KPNA7: variants seen among roughly 807,000 people sequenced by gnomAD.
KPNA7 encodes the protein importin subunit alpha-8.
Under a neutral mutation model 53.7 loss-of-function variants are expected in KPNA7, and 54 were observed. The ratio of observed to expected loss-of-function variants is 1.01; its 90% CI spans 0.81 to 1.26. KPNA7 has a LOEUF of 1.26. Ranked by LOEUF, KPNA7 falls within the 50% of genes most tolerant of loss-of-function variation. The pLI, the probability that KPNA7 is intolerant of heterozygous loss-of-function variation, is 0.00. For missense variants in KPNA7, 640 were observed against 644.5 expected, an observed-to-expected ratio of 0.99 and a Z score of 0.07; for synonymous variants, 276 against 259.3, an observed-to-expected ratio of 1.06 and a Z score of -0.62.
intron 4 of KPNA7, 124 bp downstream of exon 4, chr7:99,195,960 T>C (rs1188729431): frequency 3.3e-5 from 24 of 737,208 alleles, no homozygotes; most frequent in Non-Finnish European, 5.3e-5. Flanking sequence ...GGGCTAGCCT[T>C]TTCCTGTGTT....
At position 99,195,244 on chromosome 7, in the gene KPNA7, A is replaced by G. The variant is rs1790166006; in HGVS notation, c.379T>C (p.Tyr127His). 1.3e-6 allele frequency: 2 copies of G among 1,551,572 alleles called. No individual in the cohort carries two copies. Among genetic ancestry groups the G allele is most frequent in the Admixed American group, 3.9e-5 (2 of 50,964 alleles). Reference sequence around the variant, plus strand: ...GCAGCCTCAAACTGCAAGCAGGGGTAAAGTGATGACTTCAGGAACTCCACC... The same window carrying G: ...GCAGCCTCAAACTGCAAGCAGGGGTGAAGTGATGACTTCAGGAACTCCACC... ...RMVEFLKSSL[Y>H]PCLQFEAAWA... is the part of the protein sequence containing the mutation. Residue 127 changes from tyrosine to histidine, a missense_variant, in exon 5 of 11, where the codon TAC becomes CAC. By Grantham distance (83) the Tyr-to-His change is moderately conservative (BLOSUM62 2). Transcript: ENST00000327442.
the KPNA7 span, among the ~76,000 whole-genome samples, chr7:99,148,893 C>T: frequency 2.4e-4 from 29 of 121,718 alleles, no homozygotes; most frequent in Non-Finnish European, 4.5e-4. Flanking sequence ...AGCCCAAGAA[C>T]CGTTTTTTTT....
the KPNA7 span, among the ~76,000 whole-genome samples, chr7:99,157,122 T>C: frequency 2.0e-5 from 3 of 152,192 alleles, no homozygotes; most frequent in Non-Finnish European, 2.9e-5. Flanking sequence ...GTTGAGAATA[T>C]AAATTAGAGG....
chr7:99,205,328 C>T (rs1180076769), intron 2 of KPNA7, among the ~76,000 whole-genome samples: 1 of 143,104 alleles, frequency 7.0e-6, no homozygotes, highest in African/African-American at 2.6e-5. Flanking sequence ...AGGAGAATTG[C>T]TTGAACCCAG....
chr7:99,164,301 T>A, the KPNA7 span, among the ~76,000 whole-genome samples: 1 of 151,860 alleles, frequency 6.6e-6, no homozygotes, highest in South Asian at 2.1e-4. Flanking sequence ...TGGAATACTA[T>A]GCAGCCATAA....
chr7:99,206,310 G>A (rs866855771), intron 2 of KPNA7, among the ~76,000 whole-genome samples: 7 of 151,776 alleles, frequency 4.6e-5, no homozygotes, highest in South Asian at 4.2e-4. Flanking sequence ...ACAGGCCCCC[G>A]CCACCATGCA....
At chr7:99,158,622 C>T in the KPNA7 span, among the ~76,000 whole-genome samples, 10 of 151,900 alleles carry the variant, frequency 6.6e-5, no homozygotes, top group African/African-American at 2.2e-4. Flanking sequence ...TCATGCCTCA[C>T]CCTCCTGAGT....
intron 1 of KPNA7, among the ~76,000 whole-genome samples, chr7:99,216,469 G>A (rs1020206673): frequency 3.9e-5 from 6 of 152,166 alleles, no homozygotes; most frequent in African/African-American, 1.4e-4. Context: ...CCTATACACT[G>A]TAAGACCCCT....
At chr7:99,158,297 C>T in the KPNA7 span, among the ~76,000 whole-genome samples, 3 of 152,152 alleles carry the variant, frequency 2.0e-5, 1 homozygote, top group South Asian at 6.2e-4. Flanking sequence ...GATCAGTTTT[C>T]TTCTGTTTGG....
chr7:99,185,950 G>C (rs1057323401), intron 7 of KPNA7, among the ~76,000 whole-genome samples: 18 of 152,024 alleles, frequency 1.2e-4, no homozygotes, highest in Admixed American at 8.5e-4. Flanking sequence ...GCACCACCAT[G>C]CCTGGCTAAT....
At chr7:99,210,761 A>AT (rs1273940317), upstream of KPNA7, among the ~76,000 whole-genome samples, 1 of 151,602 alleles carries the variant, frequency 6.6e-6, no homozygotes, top group Non-Finnish European at 1.5e-5. Flanking sequence ...GCTAATTTGT[A>AT]TTTTTTGTAG....
intron 9 of KPNA7, 45 bp downstream of exon 9, chr7:99,181,838 G>C: frequency 1.4e-6 from 2 of 1,420,068 alleles, no homozygotes; most frequent in Non-Finnish European, 1.9e-6. Context: ...CTTGTATCCA[G>C]TTGGAGACAG....
chr7:99,146,124 C>T, the KPNA7 span, among the ~76,000 whole-genome samples: 3 of 152,162 alleles, frequency 2.0e-5, no homozygotes, highest in Non-Finnish European at 4.4e-5. Context: ...CAAAGAGTCT[C>T]CTCTCTAAAC....
intron 3 of KPNA7, among the ~76,000 whole-genome samples, chr7:99,201,469 C>T (rs1453303451): frequency 2.0e-5 from 3 of 151,866 alleles, no homozygotes; most frequent in Admixed American, 6.6e-5. Context: ...TGAGACCATT[C>T]GGGCTAACAT....
chr7:99,188,263 G>A (rs944290941), intron 7 of KPNA7, 37 bp downstream of exon 7: 64 of 1,521,172 alleles, frequency 4.2e-5, no homozygotes, highest in Non-Finnish European at 5.0e-5. Context: ...ACTATGACCC[G>A]AGGACTCGAA....
chr7:99,180,734 T>C lies in KPNA7; in HGVS notation c.1317+1149A>G, dbSNP rs184602231. Among the ~76,000 whole-genome samples the C allele has an allele frequency of 1.9e-5, 2 of 104,960 alleles. 1 individual carries two copies. The highest frequency in any genetic ancestry group is 4.8e-4 in the East Asian group (2 of 4,210). The allele number at this position is 104,960 out of a possible 152,430, so 68.9% of individuals were successfully genotyped here. On this transcript the variant is annotated intron_variant, in intron 9 of 10. Coordinates refer to ENST00000327442, the MANE Select transcript of KPNA7 (RefSeq NM_001145715.3). ...CTCTCTCTCTCCGTCTGTGTCTCTC[T>C]CTCTCCCCGTGTCTCTCTCTCTCTC...
upstream of KPNA7, among the ~76,000 whole-genome samples, chr7:99,212,043 TCA>T (rs1409208472): frequency 1.3e-5 from 2 of 152,062 alleles, no homozygotes; most frequent in Non-Finnish European, 2.9e-5. Context: ...CAGGGAGCCC[TCA>T]CACAAGTTGG....
At chr7:99,178,761 A>C (rs1799022098) in intron 9 of KPNA7, among the ~76,000 whole-genome samples, 1 of 100,560 alleles carries the variant, frequency 9.9e-6, no homozygotes, top group African/African-American at 4.0e-5. Context: ...TGGCCCAAAT[A>C]TCTTTGTCTC....
chr7:99,190,649 A>G (rs1789898617), intron 6 of KPNA7, among the ~76,000 whole-genome samples: 1 of 150,378 alleles, frequency 6.6e-6, no homozygotes, highest in African/African-American at 2.5e-5. Flanking sequence ...GCATGCCAGT[A>G]AAACTTTTTT....
Sources: allele counts gnomAD v4.1 joint callset (sites outside exome capture counted in the v4.1 genomes callset), GRCh38; gene constraint gnomAD v4.1.1; transcripts MANE v1.5; gene names NCBI Gene and HGNC (gene_info 2026-07-23, HGNC 2026-07-21).